The following OPA3 variants were observed in gnomAD, a reference collection of about 807,000 sequenced individuals.
The protein encoded by OPA3 is outer mitochondrial membrane lipid metabolism regulator OPA3, also known as optic atrophy 3 protein.
OPA3 carries 6 observed loss-of-function variants against 4.0 expected under a neutral mutation model. The ratio of observed to expected loss-of-function variants is 1.51; its 90% confidence interval spans 0.83 to 2.99. OPA3 has a LOEUF of 2.99. Among genes scored for constraint, OPA3 ranks in the 30% most tolerant of loss-of-function variants. The probability of loss-of-function intolerance (pLI) is 0.00; values close to 1 mark genes in which losing one functional copy is unlikely to be tolerated. For missense variants in OPA3, 235 were observed against 256.2 expected (o/e 0.92, Z 0.56); for synonymous variants, 105 against 117.1 (o/e 0.90, Z 0.67).
chr19:45,529,878 TGCG>T (rs1969040152), intron 1 of OPA3, among the ~76,000 whole-genome samples: 1 of 151,824 alleles, frequency 6.6e-6, no homozygotes, highest in African/African-American at 2.4e-5. Context: ...GGACAACGTG[TGCG>T]CGCCATCATG....
At chr19:45,538,020 G>A (rs1430053656) in intron 1 of OPA3, among the ~76,000 whole-genome samples, 1 of 149,194 alleles carries the variant, frequency 6.7e-6, no homozygotes, top group African/African-American at 2.5e-5. Context: ...CCTGAATTCA[G>A]GAGGTGCAGG....
Position 45,551,931 on chromosome 19 carries a change from G to A in OPA3, c.*1583C>T, listed in dbSNP as rs1969338916. ...GAGAAATGCTACTGAGCAAGGTGGG[G>A]AAGGCAAGAAAGGACATGCCACACA... On this transcript the variant is annotated 3_prime_UTR_variant, in exon 2 of 2. Coordinates refer to ENST00000263275, the MANE Select transcript of OPA3 (RefSeq NM_025136.4). 4 of 985,492 alleles carry A rather than the reference G, an allele frequency of 4.1e-6. No individual in the cohort carries two copies. The highest frequency in any genetic ancestry group is 4.8e-6 in the Non-Finnish European group (4 of 830,062). The allele number at this position is 985,492 out of a possible 1,614,324, so 61.0% of individuals were successfully genotyped here.
chr19:45,572,279 A>C (rs1490929960), intron 1 of OPA3, among the ~76,000 whole-genome samples: 1 of 133,554 alleles, frequency 7.5e-6, no homozygotes, highest in Non-Finnish European at 1.6e-5. Context: ...TATATATAGT[A>C]TATATATCGA....
chr19:45,553,403 A>G lies in OPA3; in HGVS notation c.*111T>C. The G allele has an allele frequency of 6.3e-7, 1 of 1,593,310 alleles. No homozygotes were observed. The highest frequency in any genetic ancestry group is 1.1e-5 in the South Asian group (1 of 90,244). On this transcript the variant is annotated 3_prime_UTR_variant, in exon 2 of 2. Transcript: ENST00000263275. Reference sequence around the variant, plus strand: ...CAGGGGTAACCAAATGCCAAGTTGCATCAAGATCCTGGTGGTTTCCACTGG... The same window carrying G: ...CAGGGGTAACCAAATGCCAAGTTGCGTCAAGATCCTGGTGGTTTCCACTGG...
chr19:45,578,081 A>T (rs1252987812), intron 1 of OPA3, among the ~76,000 whole-genome samples: 1 of 152,202 alleles, frequency 6.6e-6, no homozygotes, highest in Non-Finnish European at 1.5e-5. Context: ...CCAACCTCCA[A>T]GCTGTCCTTG....
At chr19:45,579,375 C>T (rs1969813028) in intron 1 of OPA3, among the ~76,000 whole-genome samples, 1 of 152,098 alleles carries the variant, frequency 6.6e-6, no homozygotes, top group African/African-American at 2.4e-5. Context: ...TGCCTGCCAC[C>T]ACACCTGGCT....
chr19:45,572,275 T>C (rs936551504), intron 1 of OPA3, among the ~76,000 whole-genome samples: 1 of 132,116 alleles, frequency 7.6e-6, no homozygotes, highest in Non-Finnish European at 1.7e-5. Context: ...AAAATATATA[T>C]AGTATATATA....
At chr19:45,579,844 A>T (rs1484884729) in intron 1 of OPA3, among the ~76,000 whole-genome samples, 1 of 152,152 alleles carries the variant, frequency 6.6e-6, no homozygotes, top group Non-Finnish European at 1.5e-5. Flanking sequence ...ACAAAGTACA[A>T]GCCCAGTTAA....
chr19:45,543,865 C>T (rs1381962753), downstream of OPA3, among the ~76,000 whole-genome samples: 1 of 152,190 alleles, frequency 6.6e-6, no homozygotes, highest in Non-Finnish European at 1.5e-5. Context: ...CTGTAAACCT[C>T]TCAAGGTTCC....
intron 1 of OPA3, among the ~76,000 whole-genome samples, chr19:45,534,087 G>A (rs775108448): frequency 2.6e-5 from 4 of 152,188 alleles, no homozygotes; most frequent in Admixed American, 6.5e-5. Flanking sequence ...GGAATCCACA[G>A]CTTTGGCACA....
downstream of OPA3, among the ~76,000 whole-genome samples, chr19:45,543,338 T>G (rs1969208478): frequency 6.6e-6 from 1 of 151,220 alleles, no homozygotes; most frequent in Non-Finnish European, 1.5e-5. Flanking sequence ...TTTTTTTTTT[T>G]GAGACAGAGT....
chr19:45,542,487 G>T (rs977155733), downstream of OPA3, among the ~76,000 whole-genome samples: 4 of 152,126 alleles, frequency 2.6e-5, no homozygotes, highest in Non-Finnish European at 5.9e-5. Flanking sequence ...GCATGTGACT[G>T]TACTGAAAAT....
rs988096335 is a variant in OPA3 at position 45,548,008 on chromosome 19, C to G, written c.*5506G>C. ...CACCACGCCTGGCCACTCTTTCCTT[C>G]TTTATTGCCGGTCTCTGGCACTAGA... On this transcript the variant is annotated 3_prime_UTR_variant, in exon 2 of 2. Transcript: ENST00000263275. The G allele has an allele frequency of 1.5e-6, 1 of 648,150 alleles. No individual in the cohort carries two copies. The highest frequency in any genetic ancestry group is 2.0e-5 in the African/African-American group (1 of 50,572). The allele number at this position is 648,150 out of a possible 1,614,324, so 40.1% of individuals were successfully genotyped here. A position where few individuals can be genotyped will look rare whatever the true frequency, so the allele number is the denominator to read the frequency against.
intron 1 of OPA3, among the ~76,000 whole-genome samples, chr19:45,571,744 G>C (rs1176351652): frequency 6.6e-6 from 1 of 152,004 alleles, no homozygotes; most frequent in Non-Finnish European, 1.5e-5. Flanking sequence ...AGCACTCCTG[G>C]GCATCTACTG....
intron 1 of OPA3, among the ~76,000 whole-genome samples, chr19:45,578,609 C>G (rs1969802281): frequency 6.6e-6 from 1 of 152,142 alleles, no homozygotes; most frequent in Non-Finnish European, 1.5e-5. Context: ...GGGCAGATCT[C>G]CTGACGTTGG....
intron 1 of OPA3, among the ~76,000 whole-genome samples, chr19:45,575,638 G>C (rs1969755198): frequency 6.6e-6 from 1 of 152,110 alleles, no homozygotes; most frequent in South Asian, 2.1e-4. Flanking sequence ...ACAGGGTCTT[G>C]CTCTGTCACC....
chr19:45,565,774 C>T (rs368014145), intron 1 of OPA3, among the ~76,000 whole-genome samples: 1 of 152,002 alleles, frequency 6.6e-6, no homozygotes, highest in Middle Eastern at 3.4e-3. Context: ...CATGAGCCAC[C>T]GCGCCCGGCC....
At chr19:45,569,057 C>A (rs1029759163) in intron 1 of OPA3, among the ~76,000 whole-genome samples, 2 of 152,150 alleles carry the variant, frequency 1.3e-5, no homozygotes, top group African/African-American at 4.8e-5. Context: ...CATAGCCACA[C>A]CCCAGAAAAT....
intron 1 of OPA3, among the ~76,000 whole-genome samples, chr19:45,578,428 GAACT>G (rs1600000285): frequency 1.5e-5 from 2 of 135,242 alleles, no homozygotes; most frequent in South Asian, 2.8e-4. Flanking sequence ...CGCCACCCAG[GAACT>G]AACTGAGCAC....
Sources: allele counts gnomAD v4.1 joint callset (sites outside exome capture counted in the v4.1 genomes callset), GRCh38; gene constraint gnomAD v4.1.1; transcripts MANE v1.5; gene names NCBI Gene and HGNC (gene_info 2026-07-23, HGNC 2026-07-21).